Variants in PACSIN2 observed in about 807,000 individuals in gnomAD.
PACSIN2 encodes protein kinase C and casein kinase substrate in neurons protein 2.
A neutral mutation model predicts 63.8 loss-of-function variants in PACSIN2; 25 were observed. The observed-to-expected ratio is 0.39, with a 90% CI of 0.29 to 0.55. The LOEUF is 0.55. Ranked by LOEUF, PACSIN2 falls within the 20% of genes least tolerant of loss-of-function variation. The pLI is 0.62. For missense variants in PACSIN2, 518 were observed against 646.9 expected (o/e 0.80, Z 2.16); for synonymous variants, 255 against 256.2 (o/e 1.00, Z 0.05).
rs532427677 is a variant in PACSIN2 at position 42,983,964 on chromosome 22, CTTTTTTTTTTT to C, written c.-78+31046_-78+31056del. On this transcript the variant is annotated intron_variant, in intron 1 of 10. Coordinates refer to ENST00000263246, the MANE Select transcript of PACSIN2 (RefSeq NM_001184970.3). ...CAGGCTATGGGCACAGCACTTAGCA[CTTTTTTTTTTT>C]TTTTTTTTTTTTTGAGACAGGGTCT... Among the ~76,000 whole-genome samples, 5 of 104,640 alleles carry C rather than the reference CTTTTTTTTTTT, an allele frequency of 4.8e-5. No individual in the cohort carries two copies. The East Asian group carries it at 8.7e-4, about 18-fold the overall frequency. The allele number at this position is 104,640 out of a possible 152,430, so 68.6% of individuals were successfully genotyped here. A position where few individuals can be genotyped will look rare whatever the true frequency, so the allele number is the denominator to read the frequency against.
Position 42,890,931 on chromosome 22 carries a change from T to G in PACSIN2, c.453+16A>C. On this transcript the variant is annotated intron_variant, in intron 4 of 10. Coordinates refer to ENST00000263246, the MANE Select transcript of PACSIN2 (RefSeq NM_001184970.3). ...CAGAGCAAGGCCGGGCAGGGAAGCCTGCAGGACAGATGTACCTCTTTCAGC... is the reference window on the plus strand; with the variant it reads ...CAGAGCAAGGCCGGGCAGGGAAGCCGGCAGGACAGATGTACCTCTTTCAGC... The G allele has an allele frequency of 6.2e-7, 1 of 1,608,336 alleles. No homozygotes were observed. The highest frequency in any genetic ancestry group is 8.5e-7 in the Non-Finnish European group (1 of 1,175,036).
chr22:42,881,146 C>T (rs569865604), intron 7 of PACSIN2, among the ~76,000 whole-genome samples: 33 of 152,224 alleles, frequency 2.2e-4, no homozygotes, highest in South Asian at 4.1e-4. Flanking sequence ...CCCACACTGT[C>T]ATTTGGAAAA....
At chr22:42,928,756 C>T (rs9611968) in intron 1 of PACSIN2, among the ~76,000 whole-genome samples, 50,844 of 152,100 alleles carry the variant, frequency 0.33, 10,261 homozygotes, top group Non-Finnish European at 0.45. Context: ...TACCTCTAAA[C>T]AAACAAAATC....
intron 1 of PACSIN2, among the ~76,000 whole-genome samples, chr22:42,947,482 C>A (rs9620104): frequency 0.09 from 13,656 of 152,048 alleles, 2,062 homozygotes; most frequent in African/African-American, 0.31. Context: ...TGGAGGCAGC[C>A]GTTTCAGAGG....
chr22:42,922,322 T>G (rs1473440376), intron 1 of PACSIN2, among the ~76,000 whole-genome samples: 1 of 152,216 alleles, frequency 6.6e-6, no homozygotes, highest in Non-Finnish European at 1.5e-5. Flanking sequence ...CAGCTCCCCC[T>G]TAACACCCTT....
At chr22:42,947,908 G>A (rs564226857) in intron 1 of PACSIN2, among the ~76,000 whole-genome samples, 6 of 152,342 alleles carry the variant, frequency 3.9e-5, no homozygotes, top group East Asian at 1.9e-4. Context: ...TCCTGAGCCC[G>A]TAAGCCAGGT....
Position 42,969,775 on chromosome 22 carries a change from C to A in PACSIN2, c.-78+45246G>T, listed in dbSNP as rs192192098. ...GCAACATGGAAAGAACCCATCTCTA[C>A]GAAAAATTTTTAAGCTGGGCTTGAT... On this transcript the variant is annotated intron_variant, in intron 1 of 10. Transcript: ENST00000263246. Among the ~76,000 whole-genome samples the A allele has an allele frequency of 3.1e-3, 469 of 151,862 alleles. 3 individuals carry two copies. Among genetic ancestry groups the A allele is most frequent in the African/African-American group, 0.011 (461 of 41,382 alleles).
intron 1 of PACSIN2, among the ~76,000 whole-genome samples, chr22:42,930,073 G>A (rs1004357305): frequency 6.6e-6 from 1 of 152,198 alleles, no homozygotes; most frequent in African/African-American, 2.4e-5. Flanking sequence ...AGTTCGCCGT[G>A]TTAAATATGA....
In PACSIN2 at chr22:42,876,951, G is replaced by A; in HGVS notation, c.1088C>T (p.Pro363Leu). Reference protein sequence around the residue: ...QSAQSQSSYNPFEDEDDTGST... With the variant: ...QSAQSQSSYNLFEDEDDTGST... ...GCCCGTGTCGTCCTCATCCTCGAAG[G>A]GGTTGTAGCTGGACTGTGACTGCGC... The change falls in exon 9 of 11, where the codon CCC (proline) becomes CTC (leucine). Residue 363 changes from proline (P) to leucine (L), a missense_variant. This residue lies in a region of PACSIN2 where 507 missense variants were observed against 612.3 expected (regional missense o/e 0.83). Coordinates refer to ENST00000263246, the MANE Select transcript of PACSIN2 (RefSeq NM_001184970.3). 2 of 1,614,176 alleles carry A rather than the reference G, an allele frequency of 1.2e-6. No homozygotes were observed. Among genetic ancestry groups the A allele is most frequent in the Non-Finnish European group, 1.7e-6 (2 of 1,180,028 alleles).
At chr22:43,012,302 T>G (rs1254022890) in intron 1 of PACSIN2, among the ~76,000 whole-genome samples, 2 of 115,548 alleles carry the variant, frequency 1.7e-5, no homozygotes, top group Non-Finnish European at 3.5e-5. Flanking sequence ...GCAGAGACTC[T>G]CTCTCAAAAA....
intron 1 of PACSIN2, chr22:42,959,494 C>T (rs1226868962): frequency 1.3e-5 from 2 of 152,158 alleles, no homozygotes; most frequent in African/African-American, 4.8e-5. Context: ...TGTTCTAAAA[C>T]CAGAGTCAAA....
chr22:42,935,235 A>AC (rs1243760512), intron 1 of PACSIN2, among the ~76,000 whole-genome samples: 1 of 151,984 alleles, frequency 6.6e-6, no homozygotes, highest in Non-Finnish European at 1.5e-5. Context: ...CAGGGCATGA[A>AC]TTTTTTAGGA....
chr22:42,876,547 G>A (rs1262787191), intron 9 of PACSIN2, among the ~76,000 whole-genome samples: 4 of 152,226 alleles, frequency 2.6e-5, no homozygotes, highest in Non-Finnish European at 5.9e-5. Context: ...GGCTGGAGAT[G>A]CCCACAGCAG....
In PACSIN2 at chr22:43,015,090, GC is replaced by G. The variant is rs1924802394; in HGVS notation, c.-148del. 6.6e-6 allele frequency: 1 copy of G among 152,498 alleles called. No individual in the cohort carries two copies. The highest frequency in any genetic ancestry group is 2.4e-5 in the African/African-American group (1 of 41,402). 9.4% of individuals were successfully genotyped at this position (152,498 alleles called of 1,614,324 possible). ...CAGACCCAGCTCCGGCCGGGCTCCC[GC>G]TACCGCTTTTGCTCCGGCAGCACTG... On this transcript the variant is annotated 5_prime_UTR_variant, in exon 1 of 11. Transcript: ENST00000263246.
chr22:43,010,398 A>ATATATATATATATATATATATATATATAT, intron 1 of PACSIN2, among the ~76,000 whole-genome samples: 7 of 126,400 alleles, frequency 5.5e-5, no homozygotes, highest in South Asian at 2.7e-4. Flanking sequence ...ATATATATAT[A>ATATATATATATATATATATATATATATAT]TTTTTTTTTA....
chr22:42,902,338 G>A (rs367641115), intron 2 of PACSIN2, among the ~76,000 whole-genome samples: 20 of 152,210 alleles, frequency 1.3e-4, no homozygotes, highest in African/African-American at 4.3e-4. Context: ...GCCCCAGGAC[G>A]CTTCCCCCAC....
intron 1 of PACSIN2, among the ~76,000 whole-genome samples, chr22:42,988,864 G>C (rs1248202526): frequency 1.4e-5 from 2 of 146,254 alleles, no homozygotes; most frequent in Admixed American, 7.1e-5. Flanking sequence ...TTAAATCCAT[G>C]ATCTGAAAGG....
intron 1 of PACSIN2, among the ~76,000 whole-genome samples, chr22:42,992,893 G>A (rs1025872010): frequency 6.6e-6 from 1 of 152,222 alleles, no homozygotes; most frequent in Non-Finnish European, 1.5e-5. Context: ...GCCGGAAGTG[G>A]TGGCTCACAC....
At chr22:42,901,568 G>T (rs1007361195) in intron 2 of PACSIN2, among the ~76,000 whole-genome samples, 3 of 152,206 alleles carry the variant, frequency 2.0e-5, no homozygotes, top group Non-Finnish European at 2.9e-5. Flanking sequence ...CAGTTGTCAG[G>T]TAGAGTCAGA....
Sources: allele counts gnomAD v4.1 joint callset (sites outside exome capture counted in the v4.1 genomes callset), GRCh38; gene constraint gnomAD v4.1.1; regional missense constraint gnomAD v4.1.1; transcripts MANE v1.5; gene names NCBI Gene and HGNC (gene_info 2026-07-23, HGNC 2026-07-21).